Variants in PCDHA13 observed in about 807,000 individuals in gnomAD.
PCDHA13 encodes the protein protocadherin alpha-13.
A neutral mutation model predicts 64.8 loss-of-function variants in PCDHA13; 54 were observed. The observed-to-expected ratio is 0.83, with a 90% CI of 0.67 to 1.04. The LOEUF (loss-of-function observed/expected upper bound fraction) is 1.04. Ranked by LOEUF, PCDHA13 falls within the 50% of genes least tolerant of loss-of-function variation. The probability of loss-of-function intolerance (pLI) is 0.00; values close to 1 mark genes in which losing one functional copy is unlikely to be tolerated. For synonymous variants in PCDHA13, 587 were observed against 564.4 expected, an observed-to-expected ratio of 1.04 and a Z score of -0.57; for missense variants, 1,248 against 1,254.3, an observed-to-expected ratio of 0.99 and a Z score of 0.08.
At position 140,912,253 on chromosome 5, in the gene PCDHA13, G is replaced by A. The variant is rs531201374; in HGVS notation, c.2394+27591G>A. Among the ~76,000 whole-genome samples the A allele has an allele frequency of 4.8e-4, 73 of 152,064 alleles. 1 individual carries two copies. The highest frequency in any genetic ancestry group is 1.5e-3 in the South Asian group (7 of 4,810). ...ACTGACTCAAATGTTAATCTCCTTTGATGACACCCTCACAGATATACCCAG... is the reference window on the plus strand; with the variant it reads ...ACTGACTCAAATGTTAATCTCCTTTAATGACACCCTCACAGATATACCCAG... On this transcript the variant is annotated intron_variant, in intron 1 of 3. Coordinates refer to ENST00000289272, the MANE Select transcript of PCDHA13 (RefSeq NM_018904.3).
chr5:140,889,583 G>C (rs1373487919), intron 1 of PCDHA13, among the ~76,000 whole-genome samples: 1 of 151,554 alleles, frequency 6.6e-6, no homozygotes, highest in African/African-American at 2.4e-5. Context: ...TTTTGTTTTT[G>C]CTTTGAAATA....
chr5:140,928,645 G>A (rs782494285), intron 1 of PCDHA13: 4 of 1,614,084 alleles, frequency 2.5e-6, no homozygotes, highest in Non-Finnish European at 2.5e-6. Context: ...AAAAGTGGTA[G>A]CAGAGGATGC....
chr5:141,010,525 C>A lies in PCDHA13; in HGVS notation c.*588C>A. On this transcript the variant is annotated 3_prime_UTR_variant, in exon 4 of 4. Coordinates refer to ENST00000289272, the MANE Select transcript of PCDHA13 (RefSeq NM_018904.3). ...CTAAATCTTACAACTCAAGAGGTGG[C>A]AGCCACCCTCTAGGAGACAAAACTA... 1 of 436,454 alleles carries A rather than the reference C, an allele frequency of 2.3e-6. No homozygotes were observed. The highest frequency in any genetic ancestry group is 3.9e-6 in the Non-Finnish European group (1 of 256,874). 27.0% of individuals were successfully genotyped at this position (436,454 alleles called of 1,614,324 possible).
chr5:140,949,915 T>A (rs1459531816), intron 1 of PCDHA13, among the ~76,000 whole-genome samples: 1 of 151,274 alleles, frequency 6.6e-6, no homozygotes, highest in African/African-American at 2.4e-5. Context: ...TAGATATAAC[T>A]ATTTTTAGAT....
At chr5:140,895,994 A>G (rs1554186774) in intron 1 of PCDHA13, among the ~76,000 whole-genome samples, 1 of 152,038 alleles carries the variant, frequency 6.6e-6, no homozygotes, top group Non-Finnish European at 1.5e-5. Context: ...TATTTTAAGT[A>G]GAGACAGGGT....
intron 1 of PCDHA13, among the ~76,000 whole-genome samples, chr5:140,896,536 C>CT (rs34213614): frequency 0.32 from 46,252 of 145,528 alleles, 7,425 homozygotes; most frequent in East Asian, 0.53. Flanking sequence ...AGCTATTTTT[C>CT]TTTTTTTTTT....
rs781972089 is a variant in PCDHA13 at position 141,009,851 on chromosome 5, A to G, written c.2767A>G (p.Lys923Glu). 1 of 1,614,060 alleles carries G rather than the reference A, an allele frequency of 6.2e-7. No individual in the cohort carries two copies. Among genetic ancestry groups the G allele is most frequent in the Non-Finnish European group, 8.5e-7 (1 of 1,179,986 alleles). Residue 923 changes from lysine to glutamate, a missense_variant, in exon 4 of 4, where the codon AAG becomes GAG. Transcript: ENST00000289272. ...AACCTTCGGCAAAAAGGAGGAGACC[A>G]AGAAAAAGAAGAAAAAGAAGAAGGG... is the stretch of plus-strand genomic sequence containing the variant. ...FITFGKKEETKKKKKKKKGNK... is the reference protein window; with the variant it reads ...FITFGKKEETEKKKKKKKGNK...
chr5:140,927,272 G>A lies in PCDHA13; in HGVS notation c.2394+42610G>A, dbSNP rs782403423. 3.7e-6 allele frequency: 6 copies of A among 1,613,966 alleles called. No homozygotes were observed. Among genetic ancestry groups the A allele is most frequent in the African/African-American group, 1.3e-5 (1 of 74,910 alleles). ...GACAACTCACCTCTCTTTCCTGCCG[G>A]CGACGTGCAGCTGCACATCCCCGAG... On this transcript the variant is annotated intron_variant, in intron 1 of 3. Transcript: ENST00000289272.
chr5:140,915,684 G>T (rs576904848), intron 1 of PCDHA13, among the ~76,000 whole-genome samples: 5 of 151,572 alleles, frequency 3.3e-5, no homozygotes, highest in South Asian at 4.2e-4. Context: ...TGAACTAGGG[G>T]TATGGTGATG....
At chr5:140,962,667 C>T (rs576054969) in intron 1 of PCDHA13, among the ~76,000 whole-genome samples, 1 of 152,272 alleles carries the variant, frequency 6.6e-6, no homozygotes, top group East Asian at 1.9e-4. Flanking sequence ...TTCATCTTCC[C>T]ATCCACTGGA....
At chr5:140,978,862 T>C (rs750080921) in intron 1 of PCDHA13, 87 bp from the exon 2 acceptor site, 138 of 1,599,976 alleles carry the variant, frequency 8.6e-5, no homozygotes, top group Non-Finnish European at 1.1e-4. Flanking sequence ...CTGGAAATAT[T>C]TAAGGGAGTA....
At chr5:140,965,312 C>G (rs543157988) in intron 1 of PCDHA13, among the ~76,000 whole-genome samples, 1 of 152,258 alleles carries the variant, frequency 6.6e-6, no homozygotes, top group East Asian at 1.9e-4. Context: ...TCTACCTTCT[C>G]TTTTACTGAA....
chr5:140,924,830 G>A (rs1240824600), intron 1 of PCDHA13, among the ~76,000 whole-genome samples: 1 of 151,612 alleles, frequency 6.6e-6, no homozygotes, highest in African/African-American at 2.4e-5. Flanking sequence ...GGGAGGGGGA[G>A]GTTGCAGGGA....
intron 1 of PCDHA13, among the ~76,000 whole-genome samples, chr5:140,960,271 CA>C (rs1193468231): frequency 2.0e-5 from 3 of 152,182 alleles, no homozygotes; most frequent in Non-Finnish European, 4.4e-5. Flanking sequence ...TAAATTCCGT[CA>C]CCTTTTTGGG....
chr5:140,966,709 G>C, intron 1 of PCDHA13: 1 of 1,387,174 alleles, frequency 7.2e-7, no homozygotes. Context: ...CGTGGGGCAC[G>C]GCTGGGGAAG....
chr5:140,985,298 C>T (rs770798262), intron 3 of PCDHA13, among the ~76,000 whole-genome samples: 1 of 152,124 alleles, frequency 6.6e-6, no homozygotes, highest in Non-Finnish European at 1.5e-5. Context: ...ATAGTGTTGG[C>T]TGATAGCCTG....
chr5:140,983,113 A>G (rs2097027812), intron 3 of PCDHA13, among the ~76,000 whole-genome samples: 2 of 152,254 alleles, frequency 1.3e-5, no homozygotes, highest in Admixed American at 6.5e-5. Context: ...CTGCACATCA[A>G]CAACATTCTG....
chr5:140,968,979 G>A (rs782482075), intron 1 of PCDHA13: 6 of 1,614,042 alleles, frequency 3.7e-6, no homozygotes, highest in South Asian at 3.3e-5. Context: ...ACTGCGTATG[G>A]CACTGCATGC....
chr5:140,963,543 T>C (rs1390082859), intron 1 of PCDHA13, among the ~76,000 whole-genome samples: 2 of 152,238 alleles, frequency 1.3e-5, no homozygotes, highest in East Asian at 1.9e-4. Flanking sequence ...TACTTCATGA[T>C]ATAAAAAGGG....
Sources: gnomAD v4.1 joint callset for allele counts (sites outside exome capture counted in the v4.1 genomes callset) on GRCh38, gnomAD v4.1.1 for gene constraint, MANE v1.5 for transcripts, NCBI Gene and HGNC (gene_info 2026-07-23, HGNC 2026-07-21) for gene names.